Variants in KCNH1 observed in about 807,000 individuals in gnomAD.
The protein encoded by KCNH1 is voltage-gated delayed rectifier potassium channel KCNH1.
KCNH1 carries 27 observed loss-of-function variants against 69.2 expected under a neutral mutation model. The observed-to-expected ratio is 0.39, with a 90% CI of 0.29 to 0.54. KCNH1 has a LOEUF of 0.54. Ranked by LOEUF, KCNH1 falls within the 20% of genes least tolerant of loss-of-function variation. The pLI, the probability that KCNH1 is intolerant of heterozygous loss-of-function variation, is 0.68. For synonymous variants in KCNH1, 456 were observed against 487.7 expected (o/e 0.93, Z 0.86); for missense variants, 798 against 1,261.6 (o/e 0.63, Z 5.57).
intron 5 of KCNH1, among the ~76,000 whole-genome samples, chr1:211,029,779 T>G (rs1689749508): frequency 2.0e-5 from 3 of 152,198 alleles, no homozygotes; most frequent in Admixed American, 2.0e-4. Context: ...GACATAATGC[T>G]ACACAGAACA....
intron 8 of KCNH1, among the ~76,000 whole-genome samples, chr1:210,798,110 G>A (rs1466100711): frequency 6.6e-6 from 1 of 151,188 alleles, no homozygotes; most frequent in East Asian, 1.9e-4. Flanking sequence ...CATGATCTCG[G>A]CTCACTGCAA....
intron 5 of KCNH1, among the ~76,000 whole-genome samples, chr1:211,046,037 A>C (rs1690090425): frequency 6.6e-6 from 1 of 152,200 alleles, no homozygotes; most frequent in African/African-American, 2.4e-5. Context: ...AAGACTGAAT[A>C]ATATTCCATA....
chr1:211,006,108 G>T (rs1034095765), intron 6 of KCNH1, among the ~76,000 whole-genome samples: 13 of 152,162 alleles, frequency 8.5e-5, no homozygotes, highest in Admixed American at 8.5e-4. Context: ...GTGTTGGCAA[G>T]GAAGTAAAGC....
chr1:211,125,307 G>C (rs1691757460), intron 1 of KCNH1, among the ~76,000 whole-genome samples: 2 of 152,194 alleles, frequency 1.3e-5, no homozygotes, highest in Admixed American at 1.3e-4. Context: ...AAGGAAGAGT[G>C]TGGTTCTAGG....
At chr1:210,696,583 C>T (rs1681644922) in intron 10 of KCNH1, among the ~76,000 whole-genome samples, 1 of 152,144 alleles carries the variant, frequency 6.6e-6, no homozygotes, top group Non-Finnish European at 1.5e-5. Flanking sequence ...CTCAAAGAAA[C>T]TAGTAGCATG....
chr1:210,751,469 T>C (rs1190685066), intron 10 of KCNH1, among the ~76,000 whole-genome samples: 1 of 152,040 alleles, frequency 6.6e-6, no homozygotes, highest in Non-Finnish European at 1.5e-5. Context: ...AAGTGTGGAG[T>C]AGGGCAACCA....
chr1:210,772,448 C>A (rs150734301), intron 10 of KCNH1, among the ~76,000 whole-genome samples: 1 of 151,052 alleles, frequency 6.6e-6, no homozygotes, highest in African/African-American at 2.4e-5. Flanking sequence ...TACGTAACTA[C>A]GAATTAATTC....
At chr1:210,741,447 G>T (rs1286980861) in intron 10 of KCNH1, among the ~76,000 whole-genome samples, 1 of 152,106 alleles carries the variant, frequency 6.6e-6, no homozygotes, top group Non-Finnish European at 1.5e-5. Context: ...TATGGGTGGG[G>T]AGGCGAAAGG....
At position 210,871,361 on chromosome 1, in the gene KCNH1, C is replaced by T. The variant is rs1427338548; in HGVS notation, c.1462+48279G>A. Among the ~76,000 whole-genome samples the T allele has an allele frequency of 3.3e-5, 5 of 152,318 alleles. No homozygotes were observed. In the East Asian group the frequency reaches 9.6e-4, roughly 29 times the overall value. On this transcript the variant is annotated intron_variant, in intron 7 of 10. Coordinates refer to ENST00000271751, the MANE Select transcript of KCNH1 (RefSeq NM_172362.3). ...TCAAAACCACAATGAGATACCATCT[C>T]ACACCAGTTAGAATGGCAATCATTA... is the stretch of plus-strand genomic sequence containing the variant.
At chr1:211,049,740 G>C (rs999695880) in intron 5 of KCNH1, among the ~76,000 whole-genome samples, 2 of 152,166 alleles carry the variant, frequency 1.3e-5, no homozygotes, top group African/African-American at 4.8e-5. Flanking sequence ...AAAAGACACA[G>C]GCTTGAACTG....
intron 6 of KCNH1, among the ~76,000 whole-genome samples, chr1:210,988,707 C>G (rs898180194): frequency 6.6e-6 from 1 of 152,170 alleles, no homozygotes; most frequent in Non-Finnish European, 1.5e-5. Context: ...TATAAACACT[C>G]TAAACAAATG....
intron 7 of KCNH1, among the ~76,000 whole-genome samples, chr1:210,831,912 C>T (rs1362215288): frequency 1.3e-5 from 2 of 152,202 alleles, no homozygotes; most frequent in South Asian, 2.1e-4. Flanking sequence ...ATGGTAACCA[C>T]TAGCAACACA....
intron 10 of KCNH1, among the ~76,000 whole-genome samples, chr1:210,731,685 A>G (rs1431829013): frequency 6.6e-6 from 1 of 152,228 alleles, no homozygotes; most frequent in African/African-American, 2.4e-5. Flanking sequence ...TTAAAAACAC[A>G]TATATTGCTG....
At chr1:211,087,226 T>G (rs528665035) in intron 4 of KCNH1, among the ~76,000 whole-genome samples, 5 of 152,342 alleles carry the variant, frequency 3.3e-5, no homozygotes, top group African/African-American at 1.2e-4. Context: ...TCTGAAGTTT[T>G]GCATTCCTTT....
chr1:210,693,625 C>T (rs1408353486), intron 10 of KCNH1, among the ~76,000 whole-genome samples: 1 of 151,368 alleles, frequency 6.6e-6, no homozygotes, highest in Admixed American at 6.6e-5. Context: ...CTGCAAACTG[C>T]ACCTCATTCA....
At chr1:210,684,733 C>T (rs144099799) in intron 10 of KCNH1, among the ~76,000 whole-genome samples, 4 of 152,306 alleles carry the variant, frequency 2.6e-5, no homozygotes, top group African/African-American at 7.2e-5. Flanking sequence ...CATTCTCACA[C>T]GGAAGTCCTT....
chr1:211,024,029 C>T (rs986721065), intron 5 of KCNH1, among the ~76,000 whole-genome samples: 4 of 152,184 alleles, frequency 2.6e-5, no homozygotes, highest in South Asian at 4.2e-4. Context: ...ACTGCATACA[C>T]GTATCAAAAT....
chr1:211,107,526 G>T, intron 1 of KCNH1, 149 bp from the exon 2 acceptor site: 2 of 778,902 alleles, frequency 2.6e-6, no homozygotes, highest in East Asian at 2.6e-5. Context: ...GCCCTGTAAG[G>T]AATATAAAAC....
Position 210,937,307 on chromosome 1 carries a change from CAT to C in KCNH1, c.1033-17240_1033-17239del, listed in dbSNP as rs1687791219. The stretch of plus-strand genomic sequence containing the variant: ...GAACATTTGACATTCTGCATGGCCA[CAT>C]AGTGTCTCAACTGTCTTCCTGTGTT... On this transcript the variant is annotated intron_variant, in intron 6 of 10. Transcript: ENST00000271751. Among the ~76,000 whole-genome samples, 3 of 152,330 alleles carry C rather than the reference CAT, an allele frequency of 2.0e-5. No individual in the cohort carries two copies. The South Asian group carries it at 6.2e-4, about 32-fold the overall frequency.
Sources: gnomAD v4.1 joint callset for allele counts (sites outside exome capture counted in the v4.1 genomes callset) on GRCh38, gnomAD v4.1.1 for gene constraint, MANE v1.5 for transcripts, NCBI Gene and HGNC (gene_info 2026-07-23, HGNC 2026-07-21) for gene names.